Variants in ADAMTS9 observed in about 807,000 individuals in gnomAD.
ADAMTS9 encodes ADAM metallopeptidase with thrombospondin type 1 motif 9.
Under a neutral mutation model 257.1 loss-of-function variants are expected in ADAMTS9, and 107 were observed. That is an observed-to-expected ratio of 0.42 (90% confidence interval 0.36 to 0.49). The LOEUF (loss-of-function observed/expected upper bound fraction) is 0.49. ADAMTS9 is among the 20% of genes least tolerant of loss of function. The pLI, the probability that ADAMTS9 is intolerant of heterozygous loss-of-function variation, is 0.03. For synonymous variants in ADAMTS9, 982 were observed against 880.9 expected (o/e 1.11, Z -2.03); for missense variants, 2,353 against 2,469.1 (o/e 0.95, Z 1.00).
At chr3:64,543,439 C>T (rs2083154201) in intron 32 of ADAMTS9, among the ~76,000 whole-genome samples, 1 of 152,156 alleles carries the variant, frequency 6.6e-6, no homozygotes, top group Admixed American at 6.5e-5. Context: ...TGGCTTCATC[C>T]CTGGGATGCA....
intron 26 of ADAMTS9, 81 bp from the exon 27 acceptor site, chr3:64,597,072 A>G: frequency 6.4e-7 from 1 of 1,556,082 alleles, no homozygotes; most frequent in Non-Finnish European, 8.7e-7. Context: ...AAAGGTTAAG[A>G]CAAATGTGCT....
intron 30 of ADAMTS9, among the ~76,000 whole-genome samples, chr3:64,560,966 T>C (rs1036440448): frequency 6.6e-6 from 1 of 152,132 alleles, no homozygotes; most frequent in East Asian, 1.9e-4. Context: ...ATGGACACAA[T>C]GTTTTCCTTA....
Position 64,687,795 on chromosome 3 carries a change from G to A in ADAMTS9, c.-138C>T. Reference sequence around the variant, plus strand: ...CCGCCAACTTTTGACTTTAGGAGTCGCTGAGGTCTCGCTGCGAGGGTCCCG... The same window carrying A: ...CCGCCAACTTTTGACTTTAGGAGTCACTGAGGTCTCGCTGCGAGGGTCCCG... On this transcript the variant is annotated 5_prime_UTR_variant, in exon 1 of 40. Coordinates refer to ENST00000498707, the MANE Select transcript of ADAMTS9 (RefSeq NM_182920.2). The surrounding 1 kb of genome is among the most constrained non-coding windows in gnomAD (Gnocchi z 4.4). 2 of 605,006 alleles carry A rather than the reference G, an allele frequency of 3.3e-6. No individual in the cohort carries two copies. Among genetic ancestry groups the A allele is most frequent in the Admixed American group, 3.9e-5 (1 of 25,946 alleles). 37.5% of individuals were successfully genotyped at this position (605,006 alleles called of 1,614,324 possible). A position where few individuals can be genotyped will look rare whatever the true frequency, so the allele number is the denominator to read the frequency against.
At chr3:64,552,791 A>T (rs1244619424) in intron 30 of ADAMTS9, among the ~76,000 whole-genome samples, 2 of 152,102 alleles carry the variant, frequency 1.3e-5, no homozygotes, top group Non-Finnish European at 2.9e-5. Context: ...TCCTGGGTTT[A>T]AGGGATCCTC....
chr3:64,531,758 C>T (rs1212071031), intron 38 of ADAMTS9, among the ~76,000 whole-genome samples: 2 of 152,214 alleles, frequency 1.3e-5, no homozygotes, highest in Non-Finnish European at 2.9e-5. Flanking sequence ...TGTATTTTAT[C>T]TGGCCGTTCT....
chr3:64,518,745 A>T (rs2082812879), intron 39 of ADAMTS9, among the ~76,000 whole-genome samples: 1 of 145,568 alleles, frequency 6.9e-6, no homozygotes, highest in South Asian at 2.2e-4. Flanking sequence ...CTGCCGAGGG[A>T]ATTTATCATT....
chr3:64,608,736 T>C (rs2084610758), intron 22 of ADAMTS9, among the ~76,000 whole-genome samples: 1 of 151,344 alleles, frequency 6.6e-6, no homozygotes, highest in African/African-American at 2.4e-5. Context: ...TTCAAATGCT[T>C]TCAGAAAAAA....
Position 64,541,939 on chromosome 3 carries a change from T to G in ADAMTS9, c.5096A>C (p.Gln1699Pro). ...ATTGGTTAAACATTGCACAGATCTC[T>G]GCATCACTCCAACACCACAAGACAC... is the stretch of plus-strand genomic sequence containing the variant. Reference protein sequence around the residue: ...CSVSCGVGVMQRSVQCLTNED... With the variant: ...CSVSCGVGVMPRSVQCLTNED... The change falls in exon 33 of 40, where the codon CAG becomes CCG. Residue 1699 changes from glutamine to proline, a missense_variant. Physicochemically the swap from Gln to Pro is moderately conservative, Grantham distance 76 (BLOSUM62 -1). Around this residue, in one of 3 missense-constraint regions of ADAMTS9, gnomAD observed 1,402 missense variants for 1,441.4 expected, o/e 0.97. Coordinates refer to ENST00000498707, the MANE Select transcript of ADAMTS9 (RefSeq NM_182920.2). 6.2e-7 allele frequency: 1 copy of G among 1,614,110 alleles called. No homozygotes were observed. The highest frequency in any genetic ancestry group is 8.5e-7 in the Non-Finnish European group (1 of 1,179,992).
At position 64,686,273 on chromosome 3, in the gene ADAMTS9, A is replaced by G. The variant is rs1377137777; in HGVS notation, c.516+295T>C. Among the ~76,000 whole-genome samples the G allele has an allele frequency of 2.0e-5, 3 of 152,226 alleles. No individual in the cohort carries two copies. The highest frequency in any genetic ancestry group is 6.5e-5 in the Admixed American group (1 of 15,290). The stretch of plus-strand genomic sequence containing the variant: ...CCAGTAACTTTCTCCGAGTTTGGAA[A>G]CTGACTTCCAGGCCGCCTCGCAGCG... On this transcript the variant is annotated intron_variant, in intron 2 of 39. Coordinates refer to ENST00000498707, the MANE Select transcript of ADAMTS9 (RefSeq NM_182920.2). The surrounding 1 kb of genome is among the most constrained non-coding windows in gnomAD (Gnocchi z 4.6).
At chr3:64,612,531 T>G (rs1446321861) in intron 22 of ADAMTS9, among the ~76,000 whole-genome samples, 1 of 152,152 alleles carries the variant, frequency 6.6e-6, no homozygotes, top group Non-Finnish European at 1.5e-5. Flanking sequence ...TGCTTCCACT[T>G]GTTGCATGCA....
intron 8 of ADAMTS9, among the ~76,000 whole-genome samples, chr3:64,652,653 G>A (rs1038472812): frequency 5.3e-5 from 8 of 152,194 alleles, no homozygotes; most frequent in Admixed American, 2.0e-4. Flanking sequence ...CTCACTGCAG[G>A]AGTTAAATAA....
intron 23 of ADAMTS9, among the ~76,000 whole-genome samples, chr3:64,606,178 T>G (rs2084553254): frequency 6.6e-6 from 1 of 152,260 alleles, no homozygotes; most frequent in African/African-American, 2.4e-5. Flanking sequence ...CACATCCTTT[T>G]GTTCTATTCA....
chr3:64,547,046 G>A, intron 31 of ADAMTS9, 94 bp from the exon 32 acceptor site: 1 of 1,124,860 alleles, frequency 8.9e-7, no homozygotes, highest in Non-Finnish European at 1.3e-6. Context: ...CTGACCGTGT[G>A]ACTATGCTGC....
Position 64,561,656 on chromosome 3 carries a change from G to A in ADAMTS9, c.4620C>T (p.Tyr1540=), listed in dbSNP as rs748769698. The part of the protein sequence containing the change: ...KIARETECNP[Y]TRPESERDCQ... ...AGTCGCGTTCCGACTCCGGTCTGGT[G>A]TATGGGTTGCACTCGGTCTCTCTGG... is the stretch of plus-strand genomic sequence containing the variant. The change falls in exon 30 of 40, where the codon TAC becomes TAT. Residue 1540 remains tyrosine (Y), a synonymous_variant. Transcript: ENST00000498707. The A allele has an allele frequency of 8.1e-6, 13 of 1,613,980 alleles. No homozygotes were observed. Among genetic ancestry groups the A allele is most frequent in the Non-Finnish European group, 8.5e-6 (10 of 1,180,010 alleles).
chr3:64,540,826 C>A (rs540395318), intron 36 of ADAMTS9, among the ~76,000 whole-genome samples: 1 of 152,212 alleles, frequency 6.6e-6, no homozygotes, highest in East Asian at 1.9e-4. Context: ...TCATTCAGTT[C>A]ATTCATCACA....
At chr3:64,666,347 A>C (rs940497962) in intron 3 of ADAMTS9, among the ~76,000 whole-genome samples, 2 of 152,176 alleles carry the variant, frequency 1.3e-5, no homozygotes, top group Non-Finnish European at 2.9e-5. Flanking sequence ...ATTGCTCTCT[A>C]TTTTGTAAGG....
chr3:64,577,975 G>C (rs2083896284), intron 28 of ADAMTS9, among the ~76,000 whole-genome samples: 1 of 152,160 alleles, frequency 6.6e-6, no homozygotes, highest in South Asian at 2.1e-4. Flanking sequence ...ATCTTTACAG[G>C]CCAGCATGTC....
intron 6 of ADAMTS9, 138 bp downstream of exon 6, chr3:64,655,438 G>T (rs1041057898): frequency 7.3e-6 from 5 of 685,112 alleles, no homozygotes; most frequent in Non-Finnish European, 1.3e-5. Context: ...ATGCACAGAA[G>T]GAATTGTCCA....
chr3:64,599,934 G>T (rs1159689770), intron 26 of ADAMTS9, among the ~76,000 whole-genome samples: 1 of 152,072 alleles, frequency 6.6e-6, no homozygotes, highest in East Asian at 1.9e-4. Context: ...CTGGCCCTCT[G>T]CAGACAAAAC....
Sources: gnomAD v4.1 joint callset for allele counts (sites outside exome capture counted in the v4.1 genomes callset) on GRCh38, gnomAD v4.1.1 for gene constraint, gnomAD v4.1.1 regional missense constraint, Gnocchi (gnomAD v3.1) non-coding constraint, MANE v1.5 for transcripts, NCBI Gene and HGNC (gene_info 2026-07-23, HGNC 2026-07-21) for gene names.